TANC2: variants seen among roughly 807,000 people sequenced by gnomAD.
TANC2 encodes tetratricopeptide repeat, ankyrin repeat and coiled-coil containing 2.
In TANC2, 26 loss-of-function variants were observed where a neutral mutation model predicts 210.5. The ratio of observed to expected loss-of-function variants is 0.12; its 90% CI spans 0.09 to 0.17. The LOEUF (loss-of-function observed/expected upper bound fraction) is 0.17. Ranked by LOEUF, TANC2 falls within the 10% of genes least tolerant of loss-of-function variation. TANC2 has a pLI of 1.00. For synonymous variants in TANC2, 931 were observed against 967.1 expected (o/e 0.96, Z 0.69); for missense variants, 2,129 against 2,608.9 (o/e 0.82, Z 4.01).
At chr17:63,314,145 C>G (rs1025584042) in intron 9 of TANC2, among the ~76,000 whole-genome samples, 5 of 152,210 alleles carry the variant, frequency 3.3e-5, no homozygotes, top group African/African-American at 1.2e-4. Flanking sequence ...TCGGACTGAT[C>G]AAGTAAATCA....
At chr17:63,274,414 A>G (rs2043810791) in intron 9 of TANC2, among the ~76,000 whole-genome samples, 2 of 152,194 alleles carry the variant, frequency 1.3e-5, no homozygotes, top group South Asian at 4.1e-4. Context: ...AGTACAGAGT[A>G]TATAGCTAGC....
chr17:63,194,671 T>G (rs1462212991), intron 6 of TANC2, among the ~76,000 whole-genome samples: 1 of 152,134 alleles, frequency 6.6e-6, no homozygotes, highest in Non-Finnish European at 1.5e-5. Context: ...ATCCTACAAG[T>G]TTTTTTATAC....
At chr17:63,393,890 C>A (rs1231899052) in intron 17 of TANC2, among the ~76,000 whole-genome samples, 1 of 151,946 alleles carries the variant, frequency 6.6e-6, no homozygotes, top group African/African-American at 2.4e-5. Context: ...CCTGCCTCAC[C>A]CTCCGGAGTA....
intron 11 of TANC2, among the ~76,000 whole-genome samples, chr17:63,335,694 A>G (rs1466824750): frequency 6.6e-6 from 1 of 152,100 alleles, no homozygotes; most frequent in Non-Finnish European, 1.5e-5. Flanking sequence ...AAGAAAAATA[A>G]CTAAATACAG....
At chr17:63,307,697 T>C (rs1277355050) in intron 9 of TANC2, among the ~76,000 whole-genome samples, 1 of 152,226 alleles carries the variant, frequency 6.6e-6, no homozygotes, top group African/African-American at 2.4e-5. Context: ...AACAATTTTG[T>C]TTAATGCATT....
At chr17:63,204,121 A>AC (rs2041622964) in intron 7 of TANC2, among the ~76,000 whole-genome samples, 1 of 145,822 alleles carries the variant, frequency 6.9e-6, no homozygotes, top group Non-Finnish European at 1.5e-5. Flanking sequence ...TACTGAGTAA[A>AC]TAAAAATATT....
At chr17:63,311,699 C>T (rs1331353945) in intron 9 of TANC2, among the ~76,000 whole-genome samples, 2 of 152,086 alleles carry the variant, frequency 1.3e-5, no homozygotes, top group Non-Finnish European at 2.9e-5. Context: ...ATGTTCATAG[C>T]AGCATTAATC....
At chr17:63,101,234 T>A (rs1210437656) in intron 4 of TANC2, among the ~76,000 whole-genome samples, 1 of 152,210 alleles carries the variant, frequency 6.6e-6, no homozygotes, top group African/African-American at 2.4e-5. Context: ...TTGTTATAAG[T>A]AAGTAAAAGG....
chr17:63,198,593 G>A (rs923594630), intron 6 of TANC2, among the ~76,000 whole-genome samples: 1 of 152,110 alleles, frequency 6.6e-6, no homozygotes. Flanking sequence ...GGGAGTGGGA[G>A]GTTAAAAATC....
At chr17:63,121,753 G>C (rs1219799207) in intron 4 of TANC2, among the ~76,000 whole-genome samples, 3 of 152,058 alleles carry the variant, frequency 2.0e-5, no homozygotes, top group African/African-American at 4.8e-5. Flanking sequence ...GTATTCCCCA[G>C]TTGAAGACAT....
intron 7 of TANC2, among the ~76,000 whole-genome samples, chr17:63,223,821 G>T (rs569793919): frequency 2.0e-5 from 3 of 152,140 alleles, no homozygotes; most frequent in Non-Finnish European, 4.4e-5. Flanking sequence ...TGCATCCTGT[G>T]TTTAATCATC....
intron 2 of TANC2, among the ~76,000 whole-genome samples, chr17:63,061,072 T>A (rs1271318861): frequency 6.6e-6 from 1 of 152,020 alleles, no homozygotes; most frequent in East Asian, 1.9e-4. Flanking sequence ...TTAATTAAAA[T>A]TTTAAAGATT....
At chr17:63,386,362 A>G (rs930284053) in intron 15 of TANC2, among the ~76,000 whole-genome samples, 27 of 152,218 alleles carry the variant, frequency 1.8e-4, no homozygotes, top group African/African-American at 6.5e-4. Context: ...AGTTTTAGGT[A>G]TGTTTTAAAG....
chr17:63,220,715 A>AT lies in TANC2; in HGVS notation c.770-17099_770-17098insT, dbSNP rs1325036062. Among the ~76,000 whole-genome samples the AT allele has an allele frequency of 5.3e-3, 740 of 138,810 alleles. 10 individuals carry two copies. The highest frequency in any genetic ancestry group is 7.1e-3 in the South Asian group (32 of 4,516). The allele number at this position is 138,810 out of a possible 152,430, so 91.1% of individuals were successfully genotyped here. A position where few individuals can be genotyped will look rare whatever the true frequency, so the allele number is the denominator to read the frequency against. The stretch of plus-strand genomic sequence containing the variant: ...CAAGAATCAGTCTCAAAAAAAAAAA[A>AT]AAAAATATATATATATATATATGTA... On this transcript the variant is annotated intron_variant, in intron 7 of 27. Transcript: ENST00000689528.
chr17:63,076,692 C>T (rs2036582558), intron 3 of TANC2, among the ~76,000 whole-genome samples: 1 of 151,844 alleles, frequency 6.6e-6, no homozygotes, highest in African/African-American at 2.4e-5. Context: ...ACTATTATCC[C>T]CAGAAATAAG....
chr17:63,305,049 A>G (rs576728581), intron 9 of TANC2, among the ~76,000 whole-genome samples: 4 of 152,306 alleles, frequency 2.6e-5, no homozygotes, highest in East Asian at 3.9e-4. Flanking sequence ...CCCTTCCCCA[A>G]GGAGCTCAGA....
chr17:63,316,864 C>A (rs2045329728), intron 10 of TANC2, among the ~76,000 whole-genome samples: 1 of 152,070 alleles, frequency 6.6e-6, no homozygotes, highest in African/African-American at 2.4e-5. Flanking sequence ...GAATATGTTA[C>A]TGGCAGGAGC....
chr17:63,307,812 C>T (rs999981992), intron 9 of TANC2, among the ~76,000 whole-genome samples: 10 of 152,166 alleles, frequency 6.6e-5, no homozygotes, highest in Non-Finnish European at 1.2e-4. Context: ...GTTGCCCAGG[C>T]AGGAGTGCAG....
intron 20 of TANC2, among the ~76,000 whole-genome samples, chr17:63,405,622 T>C (rs1188006157): frequency 6.6e-6 from 1 of 152,214 alleles, no homozygotes; most frequent in Non-Finnish European, 1.5e-5. Context: ...TGAATGCAAA[T>C]TCTAACAACA....
Sources: gnomAD v4.1 joint callset for allele counts (sites outside exome capture counted in the v4.1 genomes callset) on GRCh38, gnomAD v4.1.1 for gene constraint, MANE v1.5 for transcripts, NCBI Gene and HGNC (gene_info 2026-07-23, HGNC 2026-07-21) for gene names.